The following ACP3 variants were observed in gnomAD, a reference collection of about 807,000 sequenced individuals.
ACP3 encodes acid phosphatase 3.
In ACP3, 38 loss-of-function variants were observed where a neutral mutation model predicts 45.6. That is an observed-to-expected ratio of 0.83 (90% CI 0.64 to 1.09). The LOEUF (loss-of-function observed/expected upper bound fraction) is 1.09, where lower values mean the gene tolerates loss of function less well. Among genes scored for constraint, ACP3 ranks in the 50% least tolerant of loss-of-function variants. The probability of loss-of-function intolerance (pLI) is 0.00; values close to 1 mark genes in which losing one functional copy is unlikely to be tolerated. For synonymous variants in ACP3, 162 were observed against 164.7 expected (o/e 0.98, Z 0.13); for missense variants, 466 against 463.2 (o/e 1.01, Z -0.05).
intron 1 of ACP3, among the ~76,000 whole-genome samples, chr3:132,319,203 C>T (rs2107789841): frequency 6.6e-6 from 1 of 152,258 alleles, no homozygotes; most frequent in Middle Eastern, 3.4e-3. Flanking sequence ...CATCTAAGTA[C>T]TTAAGCCAAT....
intron 6 of ACP3, among the ~76,000 whole-genome samples, chr3:132,344,305 G>A (rs551090508): frequency 1.0e-4 from 15 of 149,596 alleles, no homozygotes; most frequent in African/African-American, 2.7e-4. Context: ...AAAGTGCCAC[G>A]TGTGGTGGCA....
chr3:132,356,516 TC>T (rs1937900083), intron 9 of ACP3, among the ~76,000 whole-genome samples, 169 bp from the exon 10 acceptor site: 1 of 152,090 alleles, frequency 6.6e-6, no homozygotes, highest in Admixed American at 6.5e-5. Context: ...TGCAAATCTC[TC>T]CCGCCTGCCC....
At chr3:132,335,685 T>C (rs1358729888) in intron 4 of ACP3, among the ~76,000 whole-genome samples, 1 of 151,918 alleles carries the variant, frequency 6.6e-6, no homozygotes, top group East Asian at 1.9e-4. Context: ...TAGAAGTCAA[T>C]GGGGGAGTGT....
At chr3:132,337,063 G>GT (rs1937503465) in intron 4 of ACP3, among the ~76,000 whole-genome samples, 1 of 144,894 alleles carries the variant, frequency 6.9e-6, no homozygotes, top group Non-Finnish European at 1.5e-5. Flanking sequence ...CATGCGTTGG[G>GT]GTGTGTGTGT....
chr3:132,364,651 C>T (rs1938100178), intron 10 of ACP3, among the ~76,000 whole-genome samples: 1 of 152,164 alleles, frequency 6.6e-6, no homozygotes, highest in Non-Finnish European at 1.5e-5. Context: ...CTTGTAATTA[C>T]CTTTCTGGTT....
rs746959450 is a variant in ACP3, at chr3:132,357,196, G to T, written c.*318G>T. ...ATGAACTATATGACTGGCCACACAGGATCTTTTGTATTTAAGGATTCTGAG... is the reference window on the plus strand; with the variant it reads ...ATGAACTATATGACTGGCCACACAGTATCTTTTGTATTTAAGGATTCTGAG... On this transcript the variant is annotated 3_prime_UTR_variant, in exon 10 of 10. Coordinates refer to ENST00000336375, the MANE Select transcript of ACP3 (RefSeq NM_001099.5). 9 of 1,020,448 alleles carry T rather than the reference G, an allele frequency of 8.8e-6. No homozygotes were observed. The highest frequency in any genetic ancestry group is 5.7e-5 in the Admixed American group (1 of 17,466). 63.2% of individuals were successfully genotyped at this position (1,020,448 alleles called of 1,614,324 possible).
In ACP3 at chr3:132,342,482, C is replaced by A. The variant is rs1937562949; in HGVS notation, c.556-70C>A. 4.0e-5 allele frequency: 44 copies of A among 1,107,070 alleles called. No individual in the cohort carries two copies. In the South Asian group the frequency reaches 5.8e-4, roughly 14 times the overall value. The allele number at this position is 1,107,070 out of a possible 1,614,324, so 68.6% of individuals were successfully genotyped here. On this transcript the variant is annotated intron_variant, in intron 5 of 9. Coordinates refer to ENST00000336375, the MANE Select transcript of ACP3 (RefSeq NM_001099.5). ...CTCCCTACAACAAACAATTGTCTGG[C>A]CCAAAATATCAATAATGCTGAAGCT...
rs748493315 is a variant in ACP3 at position 132,342,661 on chromosome 3, T to A, written c.648+17T>A. On this transcript the variant is annotated intron_variant, in intron 6 of 9. Coordinates refer to ENST00000336375, the MANE Select transcript of ACP3 (RefSeq NM_001099.5). ...TATTGTGAGGTAAAAGAAAAAAAAA[T>A]CACAGGTTAACTTGCAATCTGATTT... The A allele has an allele frequency of 2.8e-5, 40 of 1,437,284 alleles. No homozygotes were observed. Among genetic ancestry groups the A allele is most frequent in the Non-Finnish European group, 3.6e-5 (38 of 1,043,302 alleles). The allele number at this position is 1,437,284 out of a possible 1,614,324, so 89.0% of individuals were successfully genotyped here.
chr3:132,333,001 T>C (rs1002240152), intron 4 of ACP3, among the ~76,000 whole-genome samples: 1 of 152,154 alleles, frequency 6.6e-6, no homozygotes, highest in East Asian at 1.9e-4. Context: ...AGAGCAATTT[T>C]CTTCCCTATA....
chr3:132,344,947 A>C lies in ACP3; in HGVS notation c.669A>C (p.Leu223Phe). Residue 223 changes from leucine to phenylalanine, a missense_variant, in exon 7 of 10, where the codon TTA becomes TTC. Coordinates refer to ENST00000336375, the MANE Select transcript of ACP3 (RefSeq NM_001099.5). ...TACAGAGTGTTCACAATTTCACTTTACCCTCCTGGGCCACTGAGGACACCA... is the reference window on the plus strand; with the variant it reads ...TACAGAGTGTTCACAATTTCACTTTCCCCTCCTGGGCCACTGAGGACACCA... ...LYCESVHNFT[L>F]PSWATEDTMT... 6.2e-7 allele frequency: 1 copy of C among 1,613,688 alleles called. No individual in the cohort carries two copies.
At position 132,342,628 on chromosome 3, in the gene ACP3, A is replaced by G. The variant is rs1452249717; in HGVS notation, c.632A>G (p.Asp211Gly). Residue 211 changes from aspartate to glycine, a missense_variant, in exon 6 of 10, where the codon GAC (aspartate) becomes GGC (glycine). Transcript: ENST00000336375. ...TTTGGAATTTGGAGTAAAGTCTACG[A>G]CCCTTTATATTGTGAGGTAAAAGAA... Reference protein sequence around the residue: ...DLFGIWSKVYDPLYCESVHNF... With the variant: ...DLFGIWSKVYGPLYCESVHNF... 1 of 1,607,226 alleles carries G rather than the reference A, an allele frequency of 6.2e-7. No homozygotes were observed. Among genetic ancestry groups the G allele is most frequent in the Admixed American group, 1.7e-5 (1 of 58,396 alleles).
At chr3:132,333,298 T>C (rs545029414) in intron 4 of ACP3, 9 of 152,714 alleles carry the variant, frequency 5.9e-5, no homozygotes, top group African/African-American at 2.2e-4. Context: ...GGAATGGGTA[T>C]TTTTAAAGTA....
Position 132,358,081 on chromosome 3 carries a change from A to AAAAAAAAAAAC in ACP3, c.*1203_*1204insAAAAAAAAAAC, listed in dbSNP as rs57884203. ...TAAATAAATAAATAAATAAATAAAA[A>AAAAAAAAAAAC]CAAAGTTGATTAAGAAAGGAAGTAT... On this transcript the variant is annotated 3_prime_UTR_variant, in exon 10 of 10. Transcript: ENST00000336375. 1.2e-5 allele frequency: 2 copies of AAAAAAAAAAAC among 160,314 alleles called. No individual in the cohort carries two copies. Among genetic ancestry groups the AAAAAAAAAAAC allele is most frequent in the Non-Finnish European group, 2.6e-5 (2 of 75,958 alleles). 9.9% of individuals were successfully genotyped at this position (160,314 alleles called of 1,614,324 possible).
chr3:132,367,664 G>T, intron 10 of ACP3: 2 of 1,439,270 alleles, frequency 1.4e-6, no homozygotes, highest in East Asian at 2.3e-5. Context: ...TTTTCCTAAT[G>T]CATTAATTTT....
intron 6 of ACP3, among the ~76,000 whole-genome samples, chr3:132,344,094 A>G (rs1297587826): frequency 6.6e-6 from 1 of 152,174 alleles, no homozygotes; most frequent in Non-Finnish European, 1.5e-5. Context: ...CCTGGCCAAC[A>G]TGGCGAAATT....
chr3:132,323,122 C>T (rs1576406889), intron 1 of ACP3, among the ~76,000 whole-genome samples: 1 of 147,602 alleles, frequency 6.8e-6, no homozygotes, highest in African/African-American at 2.5e-5. Context: ...GTTAAAGCAA[C>T]AGAAAATGGG....
intron 9 of ACP3, among the ~76,000 whole-genome samples, chr3:132,355,216 A>G (rs887234789): frequency 2.6e-5 from 4 of 152,216 alleles, no homozygotes; most frequent in Admixed American, 6.5e-5. Context: ...GGGGACACAT[A>G]TCATTTCTGC....
intron 9 of ACP3, among the ~76,000 whole-genome samples, chr3:132,353,051 A>G (rs1467396285): frequency 2.0e-5 from 3 of 152,224 alleles, no homozygotes; most frequent in Non-Finnish European, 2.9e-5. Flanking sequence ...GAAATAGCCT[A>G]TGTAACAGAA....
intron 2 of ACP3, among the ~76,000 whole-genome samples, chr3:132,329,997 C>T (rs1937371138): frequency 6.7e-6 from 1 of 149,374 alleles, no homozygotes; most frequent in Non-Finnish European, 1.5e-5. Flanking sequence ...CAGCTCACTG[C>T]AGCCTCTGCC....
Sources: gnomAD v4.1 joint callset for allele counts (sites outside exome capture counted in the v4.1 genomes callset) on GRCh38, gnomAD v4.1.1 for gene constraint, MANE v1.5 for transcripts, NCBI Gene and HGNC (gene_info 2026-07-23, HGNC 2026-07-21) for gene names.